The following PLXDC2 variants were observed in gnomAD, a reference collection of about 807,000 sequenced individuals.
The protein encoded by PLXDC2 is plexin domain containing 2, also known as plexin domain-containing protein 2.
A neutral mutation model predicts 68.9 loss-of-function variants in PLXDC2; 40 were observed. The ratio of observed to expected loss-of-function variants is 0.58; its 90% CI spans 0.45 to 0.76. The LOEUF (loss-of-function observed/expected upper bound fraction) is 0.76. Ranked by LOEUF, PLXDC2 falls within the 30% of genes least tolerant of loss-of-function variation. The pLI, the probability that PLXDC2 is intolerant of heterozygous loss-of-function variation, is 0.00. For synonymous variants in PLXDC2, 243 were observed against 234.2 expected (o/e 1.04, Z -0.34); for missense variants, 644 against 661.9 (o/e 0.97, Z 0.30).
chr10:20,054,956 A>G (rs1835970451), intron 3 of PLXDC2, among the ~76,000 whole-genome samples: 1 of 152,126 alleles, frequency 6.6e-6, no homozygotes, highest in South Asian at 2.1e-4. Context: ...TTGCCAAACA[A>G]TTGCCAATAT....
intron 4 of PLXDC2, among the ~76,000 whole-genome samples, chr10:20,072,256 C>T (rs910103505): frequency 4.0e-5 from 6 of 151,574 alleles, no homozygotes; most frequent in African/African-American, 1.5e-4. Flanking sequence ...TGTAATCCCA[C>T]CTACTCAGGA....
chr10:19,953,072 G>A (rs1204201163), intron 1 of PLXDC2, among the ~76,000 whole-genome samples: 1 of 152,110 alleles, frequency 6.6e-6, no homozygotes, highest in Non-Finnish European at 1.5e-5. Context: ...GACCATGTTG[G>A]CCAGGCTGGT....
chr10:20,194,135 T>C (rs1200838538), intron 9 of PLXDC2, among the ~76,000 whole-genome samples: 1 of 151,814 alleles, frequency 6.6e-6, no homozygotes, highest in Non-Finnish European at 1.5e-5. Flanking sequence ...AATATATATA[T>C]GTAATTTTTA....
intron 6 of PLXDC2, among the ~76,000 whole-genome samples, chr10:20,149,780 A>G (rs1834129268): frequency 6.6e-6 from 1 of 152,104 alleles, no homozygotes; most frequent in African/African-American, 2.4e-5. Flanking sequence ...ATAGTATTCC[A>G]TGGTGTATAT....
intron 1 of PLXDC2, among the ~76,000 whole-genome samples, chr10:19,883,208 C>T (rs547536467): frequency 8.5e-5 from 13 of 152,168 alleles, no homozygotes; most frequent in East Asian, 1.9e-4. Context: ...ATGATCCGCC[C>T]GCCTTGGCCT....
intron 1 of PLXDC2, among the ~76,000 whole-genome samples, chr10:19,973,668 G>A (rs1484763488): frequency 6.6e-6 from 1 of 152,126 alleles, no homozygotes; most frequent in Non-Finnish European, 1.5e-5. Flanking sequence ...TTATAATACT[G>A]GAATTTTCCC....
intron 2 of PLXDC2, among the ~76,000 whole-genome samples, chr10:20,027,914 C>T (rs1372886829): frequency 1.3e-5 from 2 of 152,116 alleles, no homozygotes; most frequent in Non-Finnish European, 2.9e-5. Flanking sequence ...TTAGGAGTCA[C>T]CATTTCAAAA....
intron 7 of PLXDC2, among the ~76,000 whole-genome samples, chr10:20,170,012 G>C (rs1047488563): frequency 1.3e-5 from 2 of 151,966 alleles, no homozygotes; most frequent in African/African-American, 4.8e-5. Flanking sequence ...CCTTTGCTTG[G>C]CTGGTTATTA....
intron 1 of PLXDC2, among the ~76,000 whole-genome samples, chr10:19,938,381 G>C (rs1409339): frequency 0.58 from 87,693 of 152,008 alleles, 25,489 homozygotes; most frequent in South Asian, 0.66. Context: ...ATTGACTCAT[G>C]GTTCTCCACG....
rs529108028 is a variant in PLXDC2, at chr10:19,849,138, A to G, written c.112+31947A>G. Among the ~76,000 whole-genome samples the G allele has an allele frequency of 5.3e-5, 8 of 152,300 alleles. No individual in the cohort carries two copies. The East Asian group carries it at 1.5e-3, about 29-fold the overall frequency. ...GCAACCCACACATGTACATAGTTTT[A>G]AAAGTGAAGAATAGTATTTTTATTA... On this transcript the variant is annotated intron_variant, in intron 1 of 13. Transcript: ENST00000377252.
intron 4 of PLXDC2, among the ~76,000 whole-genome samples, chr10:20,125,660 G>C (rs1833763514): frequency 6.6e-6 from 1 of 152,124 alleles, no homozygotes. Context: ...ATAGAGCTCT[G>C]ATTTTAAAAG....
At chr10:20,255,196 G>GATAA (rs1281254416) in intron 13 of PLXDC2, among the ~76,000 whole-genome samples, 2 of 107,226 alleles carry the variant, frequency 1.9e-5, no homozygotes, top group African/African-American at 7.8e-5. Flanking sequence ...TGGATGGATA[G>GATAA]ATAGATAGAT....
At chr10:19,892,290 T>C (rs905058091) in intron 1 of PLXDC2, among the ~76,000 whole-genome samples, 1 of 152,210 alleles carries the variant, frequency 6.6e-6, no homozygotes, top group African/African-American at 2.4e-5. Context: ...CGAATGTCTG[T>C]GGCATGGTGG....
Position 20,283,586 on chromosome 10 carries a change from T to C in PLXDC2, c.*3767T>C, listed in dbSNP as rs1257779664. ...TTTCTGCCCATCTGAATATTTCCTTTAGTATTTGTCCCACATGACATCCAT... is the reference window on the plus strand; with the variant it reads ...TTTCTGCCCATCTGAATATTTCCTTCAGTATTTGTCCCACATGACATCCAT... On this transcript the variant is annotated 3_prime_UTR_variant, in exon 14 of 14. Transcript: ENST00000377252. The C allele has an allele frequency of 2.0e-5, 3 of 152,214 alleles. No individual in the cohort carries two copies. The highest frequency in any genetic ancestry group is 7.2e-5 in the African/African-American group (3 of 41,466). 9.4% of individuals were successfully genotyped at this position (152,214 alleles called of 1,614,324 possible). A position where few individuals can be genotyped will look rare whatever the true frequency, so the allele number is the denominator to read the frequency against.
rs559504033 is a variant in PLXDC2 at position 19,897,235 on chromosome 10, T to C, written c.112+80044T>C. On this transcript the variant is annotated intron_variant, in intron 1 of 13. Transcript: ENST00000377252. ...TTCCATGATTCCCTTCTCTTTTTTT[T>C]TTTGTTTTTTTTTGTTTTCTTGAGA... 3.7e-4 allele frequency among the ~76,000 whole-genome samples: 51 copies of C among 137,712 alleles called. No individual in the cohort carries two copies. In the South Asian group the frequency reaches 9.3e-3, roughly 25 times the overall value. The allele number at this position is 137,712 out of a possible 152,430, so 90.3% of individuals were successfully genotyped here.
chr10:19,866,384 C>T (rs541371761), intron 1 of PLXDC2, among the ~76,000 whole-genome samples: 13 of 152,280 alleles, frequency 8.5e-5, no homozygotes, highest in East Asian at 1.9e-4. Flanking sequence ...TATTCTAAGC[C>T]GGCAAAGTTG....
At chr10:20,111,899 C>T (rs2884563) in intron 4 of PLXDC2, among the ~76,000 whole-genome samples, 3,463 of 152,214 alleles carry the variant, frequency 0.023, 158 homozygotes, top group African/African-American at 0.079. Context: ...ATGCTGAAAC[C>T]CCTTTCCCAA....
chr10:19,851,216 C>T (rs1837112100), intron 1 of PLXDC2, among the ~76,000 whole-genome samples: 1 of 152,152 alleles, frequency 6.6e-6, no homozygotes. Context: ...CCATTGTCAT[C>T]ATCCAAAGGA....
At chr10:20,253,865 A>T (rs1005094850) in intron 13 of PLXDC2, among the ~76,000 whole-genome samples, 3 of 152,196 alleles carry the variant, frequency 2.0e-5, no homozygotes, top group Non-Finnish European at 4.4e-5. Context: ...TCTTGTAGCT[A>T]TACAACCCCA....
Sources: gnomAD v4.1 joint callset for allele counts (sites outside exome capture counted in the v4.1 genomes callset) on GRCh38, gnomAD v4.1.1 for gene constraint, MANE v1.5 for transcripts, NCBI Gene and HGNC (gene_info 2026-07-23, HGNC 2026-07-21) for gene names.